Variants in PKP1 observed in about 807,000 individuals in gnomAD.
The protein encoded by PKP1 is plakophilin-1.
Under a neutral mutation model 76.4 loss-of-function variants are expected in PKP1, and 27 were observed. The ratio of observed to expected loss-of-function variants is 0.35; its 90% CI spans 0.26 to 0.49. The LOEUF (loss-of-function observed/expected upper bound fraction) is 0.49. Ranked by LOEUF, PKP1 falls within the 20% of genes least tolerant of loss-of-function variation. The pLI is 0.99. For missense variants in PKP1, 964 were observed against 955.2 expected (o/e 1.01, Z -0.12); for synonymous variants, 404 against 384.2 (o/e 1.05, Z -0.60).
At chr1:201,311,392 G>A (rs1359451674) in intron 2 of PKP1, among the ~76,000 whole-genome samples, 1 of 152,202 alleles carries the variant, frequency 6.6e-6, no homozygotes, top group Non-Finnish European at 1.5e-5. Context: ...ACCCAGTTTG[G>A]GGAAGAAAAT....
intron 9 of PKP1, among the ~76,000 whole-genome samples, chr1:201,324,084 G>A (rs1161569106): frequency 2.0e-5 from 3 of 152,170 alleles, no homozygotes; most frequent in Non-Finnish European, 4.4e-5. Flanking sequence ...ATAGCGTGGG[G>A]AGATGTAATG....
intron 2 of PKP1, among the ~76,000 whole-genome samples, chr1:201,311,993 A>T (rs909599975): frequency 6.6e-6 from 1 of 152,220 alleles, no homozygotes. Context: ...CACAGAGCTC[A>T]TGAGGCACCT....
intron 2 of PKP1, among the ~76,000 whole-genome samples, chr1:201,302,514 C>T (rs1055207960): frequency 6.6e-6 from 1 of 152,200 alleles, no homozygotes; most frequent in Non-Finnish European, 1.5e-5. Context: ...CCTTTTGTCA[C>T]TAGACTCAGC....
Position 201,283,675 on chromosome 1 carries a change from G to C in PKP1, c.-28G>C. ...TCGCCTCTCTGCTCTCCTAGGCCCC[G>C]GCCGCGCGCCACCCGCCTCCCGCCA... On this transcript the variant is annotated 5_prime_UTR_variant, in exon 1 of 14. Transcript: ENST00000367324. 1 of 1,605,214 alleles carries C rather than the reference G, an allele frequency of 6.2e-7. No homozygotes were observed. The highest frequency in any genetic ancestry group is 8.5e-7 in the Non-Finnish European group (1 of 1,174,750).
At chr1:201,303,448 A>G (rs1413615560) in intron 2 of PKP1, among the ~76,000 whole-genome samples, 1 of 152,212 alleles carries the variant, frequency 6.6e-6, no homozygotes, top group African/African-American at 2.4e-5. Flanking sequence ...ATTTATTTTG[A>G]AAGGAAACTT....
rs775083080 is a variant in PKP1, at chr1:201,318,603, G to T, written c.1055-15G>T. ...GAGCCTGGCACAAATTGGGTTGATG[G>T]TCTCTGACCCCCAGGGCTGCTCTGG... On this transcript the variant is annotated splice_polypyrimidine_tract_variant and intron_variant, in intron 5 of 13. Coordinates refer to ENST00000367324, the MANE Select transcript of PKP1 (RefSeq NM_001005337.3). 3.1e-6 allele frequency: 5 copies of T among 1,611,870 alleles called. No individual in the cohort carries two copies. Among genetic ancestry groups the T allele is most frequent in the Admixed American group, 3.3e-5 (2 of 60,016 alleles).
At chr1:201,286,885 T>C (rs945475104) in intron 1 of PKP1, among the ~76,000 whole-genome samples, 1 of 152,150 alleles carries the variant, frequency 6.6e-6, no homozygotes, top group African/African-American at 2.4e-5. Context: ...GAAACACTTA[T>C]CCACCTTCCA....
At chr1:201,301,436 C>G (rs1264062356) in intron 2 of PKP1, among the ~76,000 whole-genome samples, 1 of 152,200 alleles carries the variant, frequency 6.6e-6, no homozygotes, top group East Asian at 1.9e-4. Context: ...TCCATCATTT[C>G]CATTCATGTT....
intron 1 of PKP1, among the ~76,000 whole-genome samples, chr1:201,288,459 A>T (rs1655802546): frequency 6.6e-6 from 1 of 152,132 alleles, no homozygotes; most frequent in African/African-American, 2.4e-5. Flanking sequence ...ACCCCCAGAG[A>T]TTCTGACTTA....
intron 2 of PKP1, among the ~76,000 whole-genome samples, chr1:201,302,050 G>A (rs1317565740): frequency 6.6e-6 from 1 of 152,172 alleles, no homozygotes; most frequent in Non-Finnish European, 1.5e-5. Flanking sequence ...TTTCAGCTGC[G>A]CTGTGTCCTC....
intron 1 of PKP1, among the ~76,000 whole-genome samples, chr1:201,286,004 G>A (rs1185293749): frequency 2.6e-5 from 4 of 152,232 alleles, no homozygotes; most frequent in African/African-American, 4.8e-5. Context: ...GCTGGAAGAG[G>A]CGGTTTGGTC....
chr1:201,314,753 G>A (rs1373994360), intron 3 of PKP1, among the ~76,000 whole-genome samples: 2 of 152,192 alleles, frequency 1.3e-5, no homozygotes, highest in East Asian at 1.9e-4. Context: ...AATGTTTGCC[G>A]ACCATCTACT....
intron 2 of PKP1, among the ~76,000 whole-genome samples, chr1:201,300,583 T>C (rs832145): frequency 0.17 from 25,638 of 152,186 alleles, 2,476 homozygotes; most frequent in East Asian, 0.24. Flanking sequence ...AGGGCTGGTT[T>C]CCCGTGACTG....
intron 2 of PKP1, among the ~76,000 whole-genome samples, chr1:201,304,494 G>A (rs981359998): frequency 6.6e-6 from 1 of 152,196 alleles, no homozygotes; most frequent in Non-Finnish European, 1.5e-5. Context: ...GGCATCCCTT[G>A]GGACAGATGG....
At chr1:201,290,967 T>C (rs1257085150) in intron 1 of PKP1, among the ~76,000 whole-genome samples, 1 of 152,150 alleles carries the variant, frequency 6.6e-6, no homozygotes, top group African/African-American at 2.4e-5. Flanking sequence ...GCTATTGAAC[T>C]TGACTTTTAG....
intron 3 of PKP1, among the ~76,000 whole-genome samples, chr1:201,315,536 C>T (rs1656696427): frequency 6.6e-6 from 1 of 152,228 alleles, no homozygotes; most frequent in South Asian, 2.1e-4. Flanking sequence ...AGATGTGGGG[C>T]ATCAGCAGGG....
At chr1:201,314,281 T>C (rs1160688358) in intron 3 of PKP1, among the ~76,000 whole-genome samples, 1 of 152,094 alleles carries the variant, frequency 6.6e-6, no homozygotes, top group African/African-American at 2.4e-5. Flanking sequence ...AACAACATGA[T>C]GAAACCTTGT....
intron 1 of PKP1, among the ~76,000 whole-genome samples, chr1:201,288,896 T>A (rs971992741): frequency 2.0e-5 from 3 of 152,134 alleles, no homozygotes; most frequent in African/African-American, 7.2e-5. Flanking sequence ...GGGAGTCACA[T>A]GGGCTGGAGA....
chr1:201,305,973 T>TG, intron 2 of PKP1, among the ~76,000 whole-genome samples: 1 of 152,304 alleles, frequency 6.6e-6, no homozygotes, highest in Middle Eastern at 3.4e-3. Context: ...TCCACTTCTC[T>TG]GGGGCCATGG....
Sources: gnomAD v4.1 joint callset for allele counts (sites outside exome capture counted in the v4.1 genomes callset) on GRCh38, gnomAD v4.1.1 for gene constraint, MANE v1.5 for transcripts, NCBI Gene and HGNC (gene_info 2026-07-23, HGNC 2026-07-21) for gene names.